The following DNAH7 variants were observed in gnomAD, a reference collection of about 807,000 sequenced individuals.
DNAH7 encodes the protein dynein axonemal heavy chain 7, also known as axonemal beta dynein heavy chain 7.
In DNAH7, 397 loss-of-function variants were observed where a neutral mutation model predicts 444.6. That is an observed-to-expected ratio of 0.89 (90% CI 0.82 to 0.97). The LOEUF (loss-of-function observed/expected upper bound fraction) is 0.97. DNAH7 is among the 50% of genes least tolerant of loss of function. The pLI is 0.00. For missense variants in DNAH7, 4,902 were observed against 4,800.8 expected, an observed-to-expected ratio of 1.02 and a Z score of -0.62; for synonymous variants, 1,636 against 1,624.4, an observed-to-expected ratio of 1.01 and a Z score of -0.17.
At chr2:195,761,385 A>G (rs1440837783) in intron 61 of DNAH7, among the ~76,000 whole-genome samples, 1 of 152,130 alleles carries the variant, frequency 6.6e-6, no homozygotes, top group Non-Finnish European at 1.5e-5. Flanking sequence ...GCCTTAAAGA[A>G]GAGGTAGAGA....
intron 19 of DNAH7, among the ~76,000 whole-genome samples, chr2:195,952,399 T>A (rs1160439102): frequency 6.6e-6 from 1 of 152,160 alleles, no homozygotes; most frequent in Non-Finnish European, 1.5e-5. Flanking sequence ...CTGACGACTA[T>A]GTGTCTTGGG....
chr2:195,999,116 C>T (rs753304041), intron 12 of DNAH7: 2 of 717,264 alleles, frequency 2.8e-6, no homozygotes, highest in South Asian at 1.5e-5. Flanking sequence ...CATGTAAAGC[C>T]AAGAACACTG....
chr2:196,004,689 G>A (rs1217293186), intron 10 of DNAH7, among the ~76,000 whole-genome samples: 2 of 151,888 alleles, frequency 1.3e-5, no homozygotes, highest in Non-Finnish European at 1.5e-5. Flanking sequence ...GCTCATGCCT[G>A]TAATAATCCC....
chr2:195,937,195 A>G (rs1224209402), intron 19 of DNAH7, among the ~76,000 whole-genome samples: 2 of 152,208 alleles, frequency 1.3e-5, no homozygotes, highest in Non-Finnish European at 2.9e-5. Flanking sequence ...TTTGAATTTT[A>G]TTGTTATGAA....
chr2:195,998,795 A>T (rs1693860208), intron 12 of DNAH7: 1 of 260,014 alleles, frequency 3.8e-6, no homozygotes, highest in Non-Finnish European at 7.3e-6. Flanking sequence ...TATGAGGAAT[A>T]GATATCCAGA....
At chr2:195,994,489 C>T (rs1190907580) in intron 12 of DNAH7, 1 of 498,510 alleles carries the variant, frequency 2.0e-6, no homozygotes, top group Non-Finnish European at 3.9e-6. Flanking sequence ...TCGCCATGTC[C>T]TGTGTTGGTT....
Position 195,861,807 on chromosome 2 carries a change from A to C in DNAH7, c.7646T>G (p.Phe2549Cys). 6.2e-7 allele frequency: 1 copy of C among 1,613,764 alleles called. No individual in the cohort carries two copies. The highest frequency in any genetic ancestry group is 8.5e-7 in the Non-Finnish European group (1 of 1,179,714). The change falls in exon 42 of 65, where the codon TTT becomes TGT. Residue 2549 changes from phenylalanine to cysteine, a missense_variant. Transcript: ENST00000312428. ...TSTIDLSKSF[F>C]VELQRYNYVT... ...ATAATTGTATCTTTGAAGTTCAACA[A>C]AGAAAGATTTGGATAAATCTATAGT...
At chr2:195,942,700 A>G (rs1477357290) in intron 19 of DNAH7, among the ~76,000 whole-genome samples, 1 of 152,132 alleles carries the variant, frequency 6.6e-6, no homozygotes, top group African/African-American at 2.4e-5. Flanking sequence ...AGAAAAGCCA[A>G]AAGTTGAGAA....
At chr2:195,947,856 G>A (rs1397949062) in intron 19 of DNAH7, among the ~76,000 whole-genome samples, 1 of 152,060 alleles carries the variant, frequency 6.6e-6, no homozygotes, top group Non-Finnish European at 1.5e-5. Context: ...CTAGATCCTT[G>A]AGGAATCACC....
chr2:195,935,611 A>AT (rs773848360), intron 20 of DNAH7, among the ~76,000 whole-genome samples: 1 of 152,210 alleles, frequency 6.6e-6, no homozygotes, highest in East Asian at 1.9e-4. Context: ...AAGACATGCC[A>AT]TTAACAAATA....
At chr2:195,785,484 AG>A (rs1477613982) in intron 58 of DNAH7, among the ~76,000 whole-genome samples, 1 of 151,406 alleles carries the variant, frequency 6.6e-6, no homozygotes, top group Non-Finnish European at 1.5e-5. Context: ...TTGGTGGGAA[AG>A]CTTCTAGTTT....
At chr2:196,021,189 T>C (rs936376114) in intron 8 of DNAH7, among the ~76,000 whole-genome samples, 5 of 152,196 alleles carry the variant, frequency 3.3e-5, no homozygotes, top group Non-Finnish European at 5.9e-5. Flanking sequence ...CTAGTTGCTA[T>C]GGGGATTAAA....
chr2:195,765,332 G>A (rs991550364), intron 61 of DNAH7, among the ~76,000 whole-genome samples: 1 of 152,096 alleles, frequency 6.6e-6, no homozygotes, highest in Non-Finnish European at 1.5e-5. Context: ...GATTCCTTGA[G>A]TAATACTCCA....
rs1574570662 is a variant in DNAH7 at position 195,853,473 on chromosome 2, C to T, written c.8651G>A (p.Gly2884Glu). 1.2e-6 allele frequency: 2 copies of T among 1,613,956 alleles called. No homozygotes were observed. Among genetic ancestry groups the T allele is most frequent in the East Asian group, 2.2e-5 (1 of 44,882 alleles). The change falls in exon 46 of 65, where the codon GGA becomes GAA. Residue 2884 changes from glycine to glutamate, a missense_variant. Coordinates refer to ENST00000312428, the MANE Select transcript of DNAH7 (RefSeq NM_018897.3). ...ERAEQLIGGL[G>E]GEKTRWSHTA... Reference sequence around the variant, plus strand: ...GTGGCTCCATCGAGTTTTCTCACCTCCAAGGCCTCCAATCAACTGTTCAGC... The same window carrying T: ...GTGGCTCCATCGAGTTTTCTCACCTTCAAGGCCTCCAATCAACTGTTCAGC...
Position 195,796,588 on chromosome 2 carries a change from C to T in DNAH7, c.10503G>A (p.Glu3501=). The T allele has an allele frequency of 6.2e-7, 1 of 1,614,100 alleles. No homozygotes were observed. Among genetic ancestry groups the T allele is most frequent in the South Asian group, 1.1e-5 (1 of 91,080 alleles). Reference sequence around the variant, plus strand: ...CTTGCATTTTTACCTCACAGACTTTCTCAAGGGTTGGCATCCAAGAGGTGG... The same window carrying T: ...CTTGCATTTTTACCTCACAGACTTTTTCAAGGGTTGGCATCCAAGAGGTGG... ...HLATSWMPTL[E]KVCEELSPES... The change falls in exon 56 of 65, where the codon GAG becomes GAA. Residue 3501 remains glutamate, a synonymous_variant. Coordinates refer to ENST00000312428, the MANE Select transcript of DNAH7 (RefSeq NM_018897.3).
At chr2:195,856,042 A>G in intron 44 of DNAH7, 51 bp from the exon 45 acceptor site, 1 of 1,502,282 alleles carries the variant, frequency 6.7e-7, no homozygotes, top group South Asian at 1.3e-5. Context: ...ATTCCAGTAC[A>G]CTTTCTATCA....
intron 49 of DNAH7, among the ~76,000 whole-genome samples, chr2:195,823,346 T>C (rs918307126): frequency 1.3e-5 from 2 of 152,192 alleles, no homozygotes; most frequent in Non-Finnish European, 2.9e-5. Flanking sequence ...AGCTCCGCTG[T>C]GTCTTCCTAG....
chr2:195,875,594 G>T, intron 38 of DNAH7, 81 bp downstream of exon 38: 1 of 1,348,462 alleles, frequency 7.4e-7, no homozygotes, highest in Non-Finnish European at 1.0e-6. Context: ...CAACTCAAAA[G>T]AGGATTTTTT....
intron 47 of DNAH7, among the ~76,000 whole-genome samples, chr2:195,836,522 T>C (rs572741310): frequency 3.9e-4 from 59 of 151,292 alleles, no homozygotes; most frequent in Admixed American, 3.4e-3. Flanking sequence ...AAAGGCTCTA[T>C]CTCCAAATAC....
Sources: gnomAD v4.1 joint callset for allele counts (sites outside exome capture counted in the v4.1 genomes callset) on GRCh38, gnomAD v4.1.1 for gene constraint, MANE v1.5 for transcripts, NCBI Gene and HGNC (gene_info 2026-07-23, HGNC 2026-07-21) for gene names.